The following ABRA variants were observed in gnomAD, a reference collection of about 807,000 sequenced individuals.
The protein encoded by ABRA is actin-binding Rho-activating protein.
In ABRA, 25 loss-of-function variants were observed where a neutral mutation model predicts 33.4. The observed-to-expected ratio is 0.75, with a 90% CI of 0.55 to 1.04. The LOEUF (loss-of-function observed/expected upper bound fraction) is 1.04, where lower values mean the gene tolerates loss of function less well. ABRA is among the 50% of genes least tolerant of loss of function. The probability of loss-of-function intolerance (pLI) is 0.00; values close to 1 mark genes in which losing one functional copy is unlikely to be tolerated. For synonymous variants in ABRA, 193 were observed against 176.8 expected, an observed-to-expected ratio of 1.09 and a Z score of -0.73; for missense variants, 501 against 491.7, an observed-to-expected ratio of 1.02 and a Z score of -0.18.
chr8:106,761,172 A>G lies in ABRA; in HGVS notation c.1011T>C (p.Phe337=). 6.2e-7 allele frequency: 1 copy of G among 1,614,250 alleles called. No individual in the cohort carries two copies. The highest frequency in any genetic ancestry group is 8.5e-7 in the Non-Finnish European group (1 of 1,180,048). Reference sequence around the variant, plus strand: ...TATCTGAAATACGAACGTATCTGTCAAAGAGATCTCCAAAAGTAACCTGGA... The same window carrying G: ...TATCTGAAATACGAACGTATCTGTCGAAGAGATCTCCAAAAGTAACCTGGA... ...GKIQVTFGDL[F]DRYVRISDKV... Residue 337 remains phenylalanine (F), a synonymous_variant, in exon 2 of 2, where the codon TTT becomes TTC. Transcript: ENST00000311955.
chr8:106,770,030 C>G lies in ABRA; in HGVS notation c.161G>C (p.Gly54Ala), dbSNP rs747564086. Reference protein sequence around the residue: ...QAQEPTGWLPGGTQDSPQAPK... With the variant: ...QAQEPTGWLPAGTQDSPQAPK... ...AGCTTGAGGTGAGTCCTGGGTCCCT[C>G]CCGGCAGCCAGCCTGTAGGCTCCTG... Residue 54 changes from glycine to alanine, a missense_variant, in exon 1 of 2, where the codon GGA (glycine) becomes GCA (alanine). By Grantham distance (60) the Gly-to-Ala change is moderately conservative. Coordinates refer to ENST00000311955, the MANE Select transcript of ABRA (RefSeq NM_139166.5). 2.5e-6 allele frequency: 4 copies of G among 1,613,904 alleles called. No individual in the cohort carries two copies. In the Admixed American group the frequency reaches 6.7e-5, roughly 27 times the overall value.
At chr8:106,768,175 T>G (rs954248927) in intron 1 of ABRA, among the ~76,000 whole-genome samples, 3 of 152,148 alleles carry the variant, frequency 2.0e-5, no homozygotes, top group African/African-American at 7.2e-5. Flanking sequence ...TCATAAGACT[T>G]GAAAAACACA....
chr8:106,762,300 A>G (rs1836150039), intron 1 of ABRA, among the ~76,000 whole-genome samples: 1 of 152,186 alleles, frequency 6.6e-6, no homozygotes, highest in African/African-American at 2.4e-5. Context: ...ATAACTGTGA[A>G]ATACTGCCCT....
chr8:106,760,961 G>T lies in ABRA; in HGVS notation c.*76C>A. ...TTTACTAACTTATTACAGAGAGTTT[G>T]CATTTTCATTTTACCTACATGAGCA... is the stretch of plus-strand genomic sequence containing the variant. On this transcript the variant is annotated 3_prime_UTR_variant, in exon 2 of 2. Transcript: ENST00000311955. The T allele has an allele frequency of 2.4e-6, 3 of 1,267,918 alleles. No individual in the cohort carries two copies. Among genetic ancestry groups the T allele is most frequent in the Non-Finnish European group, 2.2e-6 (2 of 899,102 alleles). 78.5% of individuals were successfully genotyped at this position (1,267,918 alleles called of 1,614,324 possible). A position where few individuals can be genotyped will look rare whatever the true frequency, so the allele number is the denominator to read the frequency against.
Position 106,770,019 on chromosome 8 carries a change from C to T in ABRA, c.172G>A (p.Asp58Asn). The T allele has an allele frequency of 1.2e-6, 2 of 1,613,864 alleles. No individual in the cohort carries two copies. The highest frequency in any genetic ancestry group is 2.2e-5 in the East Asian group (1 of 44,826). Residue 58 changes from aspartate (D) to asparagine (N), a missense_variant, in exon 1 of 2, where the codon GAC becomes AAC. Asp to Asn is a conservative substitution (Grantham distance 23, BLOSUM62 1). Transcript: ENST00000311955. ...PTGWLPGGTQ[D>N]SPQAPKPITP... ...ATTGGTTTAGGAGCTTGAGGTGAGT[C>T]CTGGGTCCCTCCCGGCAGCCAGCCT...
At chr8:106,762,561 G>A (rs1199361045) in intron 1 of ABRA, among the ~76,000 whole-genome samples, 1 of 152,118 alleles carries the variant, frequency 6.6e-6, no homozygotes, top group Non-Finnish European at 1.5e-5. Flanking sequence ...ACTAACACAG[G>A]AACAGAAAAC....
chr8:106,768,839 G>A (rs999630680), intron 1 of ABRA, among the ~76,000 whole-genome samples: 1 of 152,140 alleles, frequency 6.6e-6, no homozygotes, highest in South Asian at 2.1e-4. Flanking sequence ...TTTCACCAAT[G>A]TTGGTCAGGC....
Position 106,770,135 on chromosome 8 carries a change from T to C in ABRA, c.56A>G (p.Lys19Arg). 2 of 1,613,648 alleles carry C rather than the reference T, an allele frequency of 1.2e-6. No individual in the cohort carries two copies. The highest frequency in any genetic ancestry group is 1.7e-6 in the Non-Finnish European group (2 of 1,179,828). ...GEGPAKSALR[K>R]IRTATLVISL... ...GATGACCAGGGTGGCTGTGCGTATC[T>C]TCCGGAGGGCGCTCTTGGCTGGGCC... is the stretch of plus-strand genomic sequence containing the variant. The change falls in exon 1 of 2, where the codon AAG (lysine) becomes AGG (arginine). Residue 19 changes from lysine (K) to arginine (R), a missense_variant. Lys to Arg is a conservative substitution (Grantham distance 26). Transcript: ENST00000311955.
At chr8:106,768,138 A>T (rs1466951245) in intron 1 of ABRA, among the ~76,000 whole-genome samples, 1 of 152,028 alleles carries the variant, frequency 6.6e-6, no homozygotes, top group Non-Finnish European at 1.5e-5. Context: ...ATTAGGTAAC[A>T]ATTTTTTTCT....
chr8:106,763,974 GAAAAT>G (rs1281515175), intron 1 of ABRA, among the ~76,000 whole-genome samples: 3 of 152,140 alleles, frequency 2.0e-5, no homozygotes, highest in African/African-American at 7.2e-5. Flanking sequence ...ATTTTATAAT[GAAAAT>G]AAAGTAATAT....
At chr8:106,768,833 A>C (rs1437147453) in intron 1 of ABRA, among the ~76,000 whole-genome samples, 1 of 152,056 alleles carries the variant, frequency 6.6e-6, no homozygotes. Flanking sequence ...ATGGGGTTTC[A>C]CCAATGTTGG....
intron 1 of ABRA, among the ~76,000 whole-genome samples, 178 bp from the exon 2 acceptor site, chr8:106,761,692 G>A (rs868564304): frequency 8.5e-5 from 13 of 152,164 alleles, no homozygotes; most frequent in African/African-American, 2.9e-4. Context: ...TAGTCCCACC[G>A]TTGTTCTTAG....
At position 106,769,959 on chromosome 8, in the gene ABRA, C is replaced by T; in HGVS notation, c.232G>A (p.Ala78Thr). ...PPTSHQKAQS[A>T]PKSPPRLPEG... ...GGCAGGCGGGGTGGCGACTTTGGGG[C>T]ACTCTGAGCTTTCTGGTGTGAAGTA... is the stretch of plus-strand genomic sequence containing the variant. The change falls in exon 1 of 2, where the codon GCC becomes ACC. Residue 78 changes from alanine (A) to threonine (T), a missense_variant. By Grantham distance (58) the Ala-to-Thr change is moderately conservative (BLOSUM62 0). Transcript: ENST00000311955. The T allele has an allele frequency of 6.2e-7, 1 of 1,613,822 alleles. No individual in the cohort carries two copies. Among genetic ancestry groups the T allele is most frequent in the South Asian group, 1.1e-5 (1 of 91,052 alleles).
At chr8:106,763,010 A>G (rs978074108) in intron 1 of ABRA, among the ~76,000 whole-genome samples, 3 of 152,192 alleles carry the variant, frequency 2.0e-5, no homozygotes, top group Non-Finnish European at 4.4e-5. Flanking sequence ...TTGGGATTGC[A>G]GATGTTCAAG....
At position 106,762,294 on chromosome 8, in the gene ABRA, C is replaced by G. The variant is rs973883222; in HGVS notation, c.669-780G>C. On this transcript the variant is annotated intron_variant, in intron 1 of 1. Coordinates refer to ENST00000311955, the MANE Select transcript of ABRA (RefSeq NM_139166.5). ...AGCTGGCTCCAGAGCCTGTCTATAA[C>G]TGTGAAATACTGCCCTAAATAGGTG... Among the ~76,000 whole-genome samples, 3 of 152,180 alleles carry G rather than the reference C, an allele frequency of 2.0e-5. No homozygotes were observed. The East Asian group carries it at 5.8e-4, about 29-fold the overall frequency.
intron 1 of ABRA, among the ~76,000 whole-genome samples, chr8:106,767,767 C>G (rs1015694799): frequency 6.6e-6 from 1 of 152,154 alleles, no homozygotes; most frequent in African/African-American, 2.4e-5. Context: ...TGTAGTAGTT[C>G]TAATTCTTTC....
rs776365065 is a variant in ABRA at position 106,770,132 on chromosome 8, A to G, written c.59T>C (p.Ile20Thr). The G allele has an allele frequency of 1.2e-6, 2 of 1,613,642 alleles. No individual in the cohort carries two copies. The highest frequency in any genetic ancestry group is 3.3e-5 in the Admixed American group (2 of 59,988). Residue 20 changes from isoleucine to threonine, a missense_variant, in exon 1 of 2, where the codon ATA (isoleucine) becomes ACA (threonine). Ile to Thr is a moderately conservative substitution (Grantham distance 89). Transcript: ENST00000311955. ...EGPAKSALRK[I>T]RTATLVISLA... ...GCTGATGACCAGGGTGGCTGTGCGT[A>G]TCTTCCGGAGGGCGCTCTTGGCTGG...
At position 106,761,049 on chromosome 8, in the gene ABRA, C is replaced by G. The variant is rs201570186; in HGVS notation, c.1134G>C (p.Thr378=). Residue 378 remains threonine (T), a synonymous_variant, in exon 2 of 2, where the codon ACG becomes ACC. Transcript: ENST00000311955. The stretch of plus-strand genomic sequence containing the variant: ...TGTTTTTGAAGGTTCACTTGAGTAG[C>G]GTAATCACAACATGGTCATCTCGGC... ...WQGRDDHVVI[T]LLK is the part of the protein sequence containing the mutation. The G allele has an allele frequency of 6.2e-7, 1 of 1,612,772 alleles. No homozygotes were observed. The highest frequency in any genetic ancestry group is 2.2e-5 in the East Asian group (1 of 44,846).
rs1392266470 is a variant in ABRA at position 106,769,372 on chromosome 8, A to G, written c.668+151T>C. Reference sequence around the variant, plus strand: ...GTTGGCACTGACCTTCAGCCCAGGGACATCCCTCCTCTACAGTACTCACTG... The same window carrying G: ...GTTGGCACTGACCTTCAGCCCAGGGGCATCCCTCCTCTACAGTACTCACTG... On this transcript the variant is annotated intron_variant, in intron 1 of 1. Coordinates refer to ENST00000311955, the MANE Select transcript of ABRA (RefSeq NM_139166.5). The G allele has an allele frequency of 3.7e-6, 4 of 1,089,730 alleles. No individual in the cohort carries two copies. In the African/African-American group the frequency reaches 6.3e-5, roughly 17 times the overall value. The allele number at this position is 1,089,730 out of a possible 1,614,324, so 67.5% of individuals were successfully genotyped here.
Sources: allele counts gnomAD v4.1 joint callset (sites outside exome capture counted in the v4.1 genomes callset), GRCh38; gene constraint gnomAD v4.1.1; transcripts MANE v1.5; gene names NCBI Gene and HGNC (gene_info 2026-07-23, HGNC 2026-07-21).